Variants in FNIP2 observed in about 807,000 individuals in gnomAD.
FNIP2 encodes the protein folliculin interacting protein 2.
A neutral mutation model predicts 108.7 loss-of-function variants in FNIP2; 32 were observed. That is an observed-to-expected ratio of 0.29 (90% CI 0.22 to 0.40). The LOEUF is 0.40. FNIP2 is among the 10% of genes least tolerant of loss of function. The pLI is 1.00. For synonymous variants in FNIP2, 480 were observed against 496.7 expected (o/e 0.97, Z 0.45); for missense variants, 1,202 against 1,381.6 (o/e 0.87, Z 2.06).
intron 7 of FNIP2, 188 bp downstream of exon 7, chr4:158,835,664 A>G: frequency 2.4e-6 from 1 of 410,054 alleles, no homozygotes. Context: ...TGTGCAACAT[A>G]AACTAGTTTT....
intron 6 of FNIP2, 77 bp from the exon 7 acceptor site, chr4:158,835,328 A>T (rs1778739006): frequency 1.6e-6 from 2 of 1,275,932 alleles, no homozygotes; most frequent in Non-Finnish European, 2.3e-6. Flanking sequence ...TTTGAAATTT[A>T]AAAATTACTG....
At chr4:158,828,283 C>T (rs1778267835) in intron 2 of FNIP2, among the ~76,000 whole-genome samples, 1 of 152,092 alleles carries the variant, frequency 6.6e-6, no homozygotes, top group African/African-American at 2.4e-5. Flanking sequence ...ATTTTCCTTC[C>T]TGTTACCTTT....
intron 1 of FNIP2, among the ~76,000 whole-genome samples, chr4:158,804,444 C>G (rs1003722979): frequency 5.1e-5 from 7 of 136,508 alleles, no homozygotes; most frequent in African/African-American, 1.1e-4. Context: ...CACAGGGTCT[C>G]TCTCTGTTGT....
In FNIP2 at chr4:158,830,116, G is replaced by C. The variant is rs182071517; in HGVS notation, c.381+891G>C. On this transcript the variant is annotated intron_variant, in intron 3 of 16. Coordinates refer to ENST00000264433, the MANE Select transcript of FNIP2 (RefSeq NM_020840.3). Reference sequence around the variant, plus strand: ...AAGAAAAAGCAGATTATAAATGAAGGAGGTGGGTGGAAGTTAGTAATAAAG... The same window carrying C: ...AAGAAAAAGCAGATTATAAATGAAGCAGGTGGGTGGAAGTTAGTAATAAAG... Among the ~76,000 whole-genome samples, 325 of 152,300 alleles carry C rather than the reference G, an allele frequency of 2.1e-3. 2 individuals are homozygous for C. The highest frequency in any genetic ancestry group is 0.018 in the Admixed American group (271 of 15,294).
chr4:158,818,399 C>T (rs1268405210), intron 1 of FNIP2, among the ~76,000 whole-genome samples: 2 of 152,164 alleles, frequency 1.3e-5, no homozygotes, highest in Non-Finnish European at 2.9e-5. Context: ...AGTCTTTTGT[C>T]CTTTTCTCAG....
In FNIP2 at chr4:158,882,220, T is replaced by G. The variant is rs1016956770; in HGVS notation, c.2950-9226T>G. Among the ~76,000 whole-genome samples the G allele has an allele frequency of 2.5e-4, 37 of 146,562 alleles. No homozygotes were observed. The East Asian group carries it at 7.8e-3, about 31-fold the overall frequency. On this transcript the variant is annotated intron_variant, in intron 14 of 16. Coordinates refer to ENST00000264433, the MANE Select transcript of FNIP2 (RefSeq NM_020840.3). ...CCCCGTCTGAGAAGTGAGGAGCCCC[T>G]CCGCCCGGCAGCCGCCCCGTCTGAG...
intron 13 of FNIP2, 87 bp downstream of exon 13, chr4:158,869,515 T>C (rs1780806614): frequency 7.0e-7 from 1 of 1,428,226 alleles, no homozygotes; most frequent in Non-Finnish European, 9.2e-7. Context: ...TAGCCACTAC[T>C]ATTGTCTGCT....
intron 1 of FNIP2, among the ~76,000 whole-genome samples, chr4:158,775,648 G>A (rs374478942): frequency 6.6e-6 from 1 of 152,078 alleles, no homozygotes. Flanking sequence ...CCTTTATAAT[G>A]GACTTCTGAA....
intron 14 of FNIP2, among the ~76,000 whole-genome samples, chr4:158,879,474 G>A (rs1040349263): frequency 2.0e-5 from 3 of 150,326 alleles, no homozygotes; most frequent in African/African-American, 7.4e-5. Context: ...GGCTTTTTCA[G>A]GGAACTGAAG....
At position 158,899,899 on chromosome 4, in the gene FNIP2, T is replaced by C. The variant is rs374204984; in HGVS notation, c.3266+4034T>C. On this transcript the variant is annotated intron_variant, in intron 16 of 16. Coordinates refer to ENST00000264433, the MANE Select transcript of FNIP2 (RefSeq NM_020840.3). Reference sequence around the variant, plus strand: ...CTTGTCTTCTGCTAGCTTTTGAATTTGTTTGCTCTTGCTTCTCTAGTTCTT... The same window carrying C: ...CTTGTCTTCTGCTAGCTTTTGAATTCGTTTGCTCTTGCTTCTCTAGTTCTT... 3.7e-4 allele frequency among the ~76,000 whole-genome samples: 57 copies of C among 152,332 alleles called. 2 individuals carry two copies. The East Asian group carries it at 8.5e-3, about 23-fold the overall frequency.
At position 158,906,928 on chromosome 4, in the gene FNIP2, A is replaced by C. The variant is rs781133509; in HGVS notation, c.*2384A>C. Reference sequence around the variant, plus strand: ...AGGGACCCCACTTGCTCCCATGCCCACCTCAAGAAAAAACATAAAACAATT... The same window carrying C: ...AGGGACCCCACTTGCTCCCATGCCCCCCTCAAGAAAAAACATAAAACAATT... On this transcript the variant is annotated 3_prime_UTR_variant, in exon 17 of 17. Transcript: ENST00000264433. 2.0e-5 allele frequency: 3 copies of C among 152,208 alleles called. No individual in the cohort carries two copies. The highest frequency in any genetic ancestry group is 4.4e-5 in the Non-Finnish European group (3 of 68,028). The allele number at this position is 152,208 out of a possible 1,614,324, so 9.4% of individuals were successfully genotyped here.
chr4:158,872,731 A>AGTGTTT (rs1553963947), intron 14 of FNIP2: 1 of 957,354 alleles, frequency 1.0e-6, no homozygotes, highest in Non-Finnish European at 1.2e-6. Context: ...GGTCTATGGT[A>AGTGTTT]GTGTTTTTTT....
At chr4:158,812,056 G>A (rs1777305379) in intron 1 of FNIP2, among the ~76,000 whole-genome samples, 1 of 152,204 alleles carries the variant, frequency 6.6e-6, no homozygotes, top group Non-Finnish European at 1.5e-5. Context: ...TGAATGGGGT[G>A]GAGGTGTACT....
intron 1 of FNIP2, among the ~76,000 whole-genome samples, chr4:158,770,913 T>C (rs907775076): frequency 3.3e-5 from 5 of 152,220 alleles, no homozygotes; most frequent in Non-Finnish European, 7.3e-5. Context: ...GTCATTGTTT[T>C]CTGTGCTCCT....
At chr4:158,848,789 GAATC>G (rs1779541995) in intron 7 of FNIP2, among the ~76,000 whole-genome samples, 1 of 152,148 alleles carries the variant, frequency 6.6e-6, no homozygotes, top group African/African-American at 2.4e-5. Context: ...TAATTAAAAA[GAATC>G]AAGCAGAAAT....
intron 14 of FNIP2, among the ~76,000 whole-genome samples, chr4:158,891,157 GTC>G (rs911672959): frequency 5.3e-5 from 8 of 152,096 alleles, no homozygotes; most frequent in African/African-American, 1.9e-4. Flanking sequence ...TTTGAGGCAG[GTC>G]TCTCTGTCTC....
intron 2 of FNIP2, among the ~76,000 whole-genome samples, chr4:158,828,567 G>A (rs1366476830): frequency 1.3e-5 from 2 of 152,298 alleles, no homozygotes; most frequent in Non-Finnish European, 2.9e-5. Flanking sequence ...AGTGAGCCGA[G>A]ATCATGCCGC....
intron 1 of FNIP2, chr4:158,794,798 A>G (rs1776529632): frequency 6.6e-6 from 1 of 152,138 alleles, no homozygotes; most frequent in African/African-American, 2.4e-5. Flanking sequence ...TGTCTCTTTG[A>G]GTTATTTTTT....
At chr4:158,856,666 C>T (rs1339193358) in intron 8 of FNIP2, among the ~76,000 whole-genome samples, 1 of 152,102 alleles carries the variant, frequency 6.6e-6, no homozygotes, top group Non-Finnish European at 1.5e-5. Flanking sequence ...AGTCATGAGC[C>T]TAGACTAGAA....
Sources: gnomAD v4.1 joint callset for allele counts (sites outside exome capture counted in the v4.1 genomes callset) on GRCh38, gnomAD v4.1.1 for gene constraint, MANE v1.5 for transcripts, NCBI Gene and HGNC (gene_info 2026-07-23, HGNC 2026-07-21) for gene names.